The following RFTN1 variants were observed in gnomAD, a reference collection of about 807,000 sequenced individuals.
The protein encoded by RFTN1 is raftlin, lipid raft linker 1.
A neutral mutation model predicts 46.5 loss-of-function variants in RFTN1; 26 were observed. The observed-to-expected ratio is 0.56, with a 90% CI of 0.41 to 0.78. The LOEUF is 0.78. Among genes scored for constraint, RFTN1 ranks in the 30% least tolerant of loss-of-function variants. The pLI is 0.00. For synonymous variants in RFTN1, 261 were observed against 284.2 expected (o/e 0.92, Z 0.82); for missense variants, 693 against 718.7 (o/e 0.96, Z 0.41).
intron 8 of RFTN1, among the ~76,000 whole-genome samples, chr3:16,324,613 A>AACCCCCCCCC (rs1553718056): frequency 1.1e-5 from 1 of 90,800 alleles, no homozygotes; most frequent in East Asian, 3.4e-4. Flanking sequence ...AATGTCCCTG[A>AACCCCCCCCC]CCCCCCCCCT....
At chr3:16,397,971 G>A (rs1324068832) in intron 4 of RFTN1, among the ~76,000 whole-genome samples, 1 of 152,158 alleles carries the variant, frequency 6.6e-6, no homozygotes, top group Non-Finnish European at 1.5e-5. Context: ...CATGGGCCGG[G>A]CGCGGTGGCT....
At position 16,316,110 on chromosome 3, in the gene RFTN1, G is replaced by A. The variant is rs2068364429; in HGVS notation, c.*718C>T. 1.3e-5 allele frequency: 2 copies of A among 152,856 alleles called. No individual in the cohort carries two copies. Among genetic ancestry groups the A allele is most frequent in the Non-Finnish European group, 2.9e-5 (2 of 68,200 alleles). The allele number at this position is 152,856 out of a possible 1,614,324, so 9.5% of individuals were successfully genotyped here. Reference sequence around the variant, plus strand: ...GATGCCCTGAAGTGACAGAAGTAATGTGGTTTGTATGATGTGCTGAGTACA... The same window carrying A: ...GATGCCCTGAAGTGACAGAAGTAATATGGTTTGTATGATGTGCTGAGTACA... On this transcript the variant is annotated 3_prime_UTR_variant, in exon 10 of 10. Transcript: ENST00000334133. The surrounding 1 kb of genome is among the most constrained non-coding windows in gnomAD (Gnocchi z 4.5).
intron 7 of RFTN1, 129 bp downstream of exon 7, chr3:16,357,803 G>A (rs2072549298): frequency 3.0e-6 from 2 of 665,386 alleles, no homozygotes; most frequent in Non-Finnish European, 2.7e-6. Flanking sequence ...ATCCTTCTAG[G>A]ACCTACCAGG....
At chr3:16,439,874 A>G (rs2075588709) in intron 2 of RFTN1, among the ~76,000 whole-genome samples, 1 of 152,092 alleles carries the variant, frequency 6.6e-6, no homozygotes, top group Non-Finnish European at 1.5e-5. Flanking sequence ...GGTGGGAGAG[A>G]AAACTAACGT....
intron 3 of RFTN1, among the ~76,000 whole-genome samples, chr3:16,411,632 C>T (rs970713415): frequency 2.0e-5 from 3 of 152,078 alleles, no homozygotes; most frequent in African/African-American, 7.2e-5. Context: ...AAACAAAAGA[C>T]ATATTAAGAG....
At chr3:16,476,406 T>C (rs959882563) in intron 2 of RFTN1, among the ~76,000 whole-genome samples, 1 of 152,202 alleles carries the variant, frequency 6.6e-6, no homozygotes, top group Non-Finnish European at 1.5e-5. Context: ...GAGCTTACCA[T>C]TATGGTTGGA....
At chr3:16,492,921 C>T (rs2076562116) in intron 2 of RFTN1, among the ~76,000 whole-genome samples, 1 of 152,214 alleles carries the variant, frequency 6.6e-6, no homozygotes. Context: ...CCATCCCTTG[C>T]CAGTCTTCTC....
chr3:16,370,024 T>C lies in RFTN1; in HGVS notation c.1030+52A>G, dbSNP rs17042188. ...GAAGAGGGACTAAGATTTCAAGAGT[T>C]AGAAGCAGAGTTCACAAAGGGCCAC... On this transcript the variant is annotated intron_variant, in intron 6 of 9. Transcript: ENST00000334133. This position sits in a 1 kb window ranked among gnomAD's most constrained non-coding sequence, Gnocchi z 5.5. 51,477 of 1,526,582 alleles carry C rather than the reference T, an allele frequency of 0.034. 1,884 individuals carry two copies. Among genetic ancestry groups the C allele is most frequent in the African/African-American group, 0.18 (13,099 of 73,144 alleles). The allele number at this position is 1,526,582 out of a possible 1,614,324, so 94.6% of individuals were successfully genotyped here.
chr3:16,325,698 C>T (rs966827649), intron 8 of RFTN1, among the ~76,000 whole-genome samples: 11 of 152,244 alleles, frequency 7.2e-5, no homozygotes, highest in African/African-American at 2.2e-4. Flanking sequence ...CAAAAGTGGC[C>T]GCAGACTGGC....
rs2076658206 is a variant in RFTN1, at chr3:16,498,466, ACT to A, written c.-8-4591_-8-4590del. 6.6e-6 allele frequency among the ~76,000 whole-genome samples: 1 copy of A among 152,054 alleles called. No homozygotes were observed. The highest frequency in any genetic ancestry group is 1.5e-5 in the Non-Finnish European group (1 of 68,002). On this transcript the variant is annotated intron_variant, in intron 1 of 9. Transcript: ENST00000334133. The surrounding 1 kb of genome is among the most constrained non-coding windows in gnomAD (Gnocchi z 5.2). ...TATGAAGTTTTCTTTGCTCATTCAA[ACT>A]CTGTTAAATTTAATTTGTATCAAGT...
Position 16,348,561 on chromosome 3 carries a change from G to A in RFTN1, c.1146+9371C>T, listed in dbSNP as rs929014881. 2.0e-5 allele frequency among the ~76,000 whole-genome samples: 3 copies of A among 152,014 alleles called. No homozygotes were observed. The highest frequency in any genetic ancestry group is 7.2e-5 in the African/African-American group (3 of 41,380). On this transcript the variant is annotated intron_variant, in intron 7 of 9. Transcript: ENST00000334133. The surrounding 1 kb of genome is among the most constrained non-coding windows in gnomAD (Gnocchi z 6.3). ...CTCCCAGGGCACTTCTGGTCAGCAG[G>A]GCACAATTAGCCTTGAATGCCTTCC...
chr3:16,381,384 T>A lies in RFTN1; in HGVS notation c.442-3282A>T, dbSNP rs1162389403. On this transcript the variant is annotated intron_variant, in intron 4 of 9. Coordinates refer to ENST00000334133, the MANE Select transcript of RFTN1 (RefSeq NM_015150.2). This position sits in a 1 kb window ranked among gnomAD's most constrained non-coding sequence, Gnocchi z 4.2. Reference sequence around the variant, plus strand: ...TAATATAGTAATGGATGTGAAGGCATAGACATGACAGTGACAATGGTGATT... The same window carrying A: ...TAATATAGTAATGGATGTGAAGGCAAAGACATGACAGTGACAATGGTGATT... Among the ~76,000 whole-genome samples the A allele has an allele frequency of 6.6e-6, 1 of 152,190 alleles. No homozygotes were observed. Among genetic ancestry groups the A allele is most frequent in the African/African-American group, 2.4e-5 (1 of 41,442 alleles).
rs80308668 is a variant in RFTN1 at position 16,497,574 on chromosome 3, T to G, written c.-8-3697A>C. Among the ~76,000 whole-genome samples, 934 of 152,252 alleles carry G rather than the reference T, an allele frequency of 6.1e-3. 44 individuals are homozygous for G. In the East Asian group the frequency reaches 0.12, roughly 19 times the overall value. ...GATAGGCTGGCAAGCAAGGGAAGGC[T>G]CTCATGCCCACCCTGCTGCATACTC... On this transcript the variant is annotated intron_variant, in intron 1 of 9. Transcript: ENST00000334133.
intron 6 of RFTN1, among the ~76,000 whole-genome samples, chr3:16,368,116 G>A (rs2125356476): frequency 6.6e-6 from 1 of 151,950 alleles, no homozygotes; most frequent in South Asian, 2.1e-4. Flanking sequence ...TGGGCAATGT[G>A]GTGTCCCTGC....
rs2076340970 is a variant in RFTN1 at position 16,480,111 on chromosome 3, A to G, written c.145+13614T>C. 1.3e-5 allele frequency among the ~76,000 whole-genome samples: 2 copies of G among 152,236 alleles called. No homozygotes were observed. The highest frequency in any genetic ancestry group is 4.8e-5 in the African/African-American group (2 of 41,464). ...GAAAAAGAGTAGATAATCAATAAAT[A>G]TTGAATGGATCAATTTTGTTAAGTA... On this transcript the variant is annotated intron_variant, in intron 2 of 9. Coordinates refer to ENST00000334133, the MANE Select transcript of RFTN1 (RefSeq NM_015150.2). This position sits in a 1 kb window ranked among gnomAD's most constrained non-coding sequence, Gnocchi z 4.3.
At position 16,451,593 on chromosome 3, in the gene RFTN1, T is replaced by C. The variant is rs991243398; in HGVS notation, c.146-17556A>G. ...AAACCACAGATAGTAAAGAACCCAA[T>C]TGCTGCCAATCAGAGCACATTTCTC... On this transcript the variant is annotated intron_variant, in intron 2 of 9. Coordinates refer to ENST00000334133, the MANE Select transcript of RFTN1 (RefSeq NM_015150.2). This position sits in a 1 kb window ranked among gnomAD's most constrained non-coding sequence, Gnocchi z 4.2. Among the ~76,000 whole-genome samples, 2 of 152,212 alleles carry C rather than the reference T, an allele frequency of 1.3e-5. No homozygotes were observed. The highest frequency in any genetic ancestry group is 2.9e-5 in the Non-Finnish European group (2 of 68,038).
At position 16,498,798 on chromosome 3, in the gene RFTN1, A is replaced by G. The variant is rs959115982; in HGVS notation, c.-8-4921T>C. 1.3e-5 allele frequency among the ~76,000 whole-genome samples: 2 copies of G among 152,194 alleles called. No homozygotes were observed. Among genetic ancestry groups the G allele is most frequent in the African/African-American group, 4.8e-5 (2 of 41,450 alleles). ...AACTCCCACCCCTGTCAAAATAGGA[A>G]AGACTTTTACATCATTTCAAAAATG... On this transcript the variant is annotated intron_variant, in intron 1 of 9. Transcript: ENST00000334133. The surrounding 1 kb of genome is among the most constrained non-coding windows in gnomAD (Gnocchi z 5.2).
chr3:16,448,021 G>A lies in RFTN1; in HGVS notation c.146-13984C>T, dbSNP rs1321690995. Among the ~76,000 whole-genome samples the A allele has an allele frequency of 6.6e-6, 1 of 151,252 alleles. No individual in the cohort carries two copies. The highest frequency in any genetic ancestry group is 2.4e-5 in the African/African-American group (1 of 41,128). ...TTTCTTCCTCCCTTCCATCCAGGGA[G>A]CCACCAGCCACATGTGGCTATCGAG... On this transcript the variant is annotated intron_variant, in intron 2 of 9. Coordinates refer to ENST00000334133, the MANE Select transcript of RFTN1 (RefSeq NM_015150.2). This position sits in a 1 kb window ranked among gnomAD's most constrained non-coding sequence, Gnocchi z 4.1.
In RFTN1 at chr3:16,504,434, A is replaced by G. The variant is rs889545238; in HGVS notation, c.-9+9008T>C. Among the ~76,000 whole-genome samples the G allele has an allele frequency of 1.1e-4, 16 of 152,204 alleles. No homozygotes were observed. Among genetic ancestry groups the G allele is most frequent in the African/African-American group, 3.9e-4 (16 of 41,440 alleles). ...AGCTTGTAAAGATATGACATCATCA[A>G]GAGTAATATGGTACTGTCAGATGTT... On this transcript the variant is annotated intron_variant, in intron 1 of 9. Transcript: ENST00000334133. The surrounding 1 kb of genome is among the most constrained non-coding windows in gnomAD (Gnocchi z 4.4).
Sources: gnomAD v4.1 joint callset for allele counts (sites outside exome capture counted in the v4.1 genomes callset) on GRCh38, gnomAD v4.1.1 for gene constraint, Gnocchi (gnomAD v3.1) non-coding constraint, MANE v1.5 for transcripts, NCBI Gene and HGNC (gene_info 2026-07-23, HGNC 2026-07-21) for gene names.